The following CTNNA3 variants were observed in gnomAD, a reference collection of about 807,000 sequenced individuals.
CTNNA3 encodes catenin alpha-3.
CTNNA3 carries 76 observed loss-of-function variants against 95.7 expected under a neutral mutation model. The observed-to-expected ratio is 0.79, with a 90% CI of 0.66 to 0.96. CTNNA3 has a LOEUF of 0.96. Among genes scored for constraint, CTNNA3 ranks in the 40% least tolerant of loss-of-function variants. The pLI is 0.00. For synonymous variants in CTNNA3, 431 were observed against 374.4 expected (o/e 1.15, Z -1.74); for missense variants, 1,191 against 1,089.8 (o/e 1.09, Z -1.31).
chr10:66,400,318 T>C (rs1471189360), intron 11 of CTNNA3, among the ~76,000 whole-genome samples: 1 of 152,098 alleles, frequency 6.6e-6, no homozygotes, highest in East Asian at 1.9e-4. Context: ...GAACATGAGA[T>C]AATTAGTAAT....
intron 7 of CTNNA3, among the ~76,000 whole-genome samples, chr10:66,952,128 C>T (rs954089206): frequency 6.6e-5 from 10 of 152,148 alleles, no homozygotes; most frequent in Non-Finnish European, 1.3e-4. Flanking sequence ...AAGCATAAGA[C>T]AGGTGCAGAA....
chr10:66,635,555 G>A (rs1845305119), intron 9 of CTNNA3, among the ~76,000 whole-genome samples: 1 of 152,118 alleles, frequency 6.6e-6, no homozygotes, highest in Non-Finnish European at 1.5e-5. Context: ...TTTTCAGTGA[G>A]TCTATTTCTG....
intron 10 of CTNNA3, among the ~76,000 whole-genome samples, chr10:66,522,937 G>T (rs1490011258): frequency 6.6e-6 from 1 of 152,006 alleles, no homozygotes. Context: ...TGTACCTTAA[G>T]TCACTTCCTG....
At chr10:67,286,512 G>A (rs542890254) in intron 5 of CTNNA3, among the ~76,000 whole-genome samples, 1 of 152,336 alleles carries the variant, frequency 6.6e-6, no homozygotes, top group East Asian at 1.9e-4. Flanking sequence ...TATAGCTCAT[G>A]TAAAGCACTT....
At chr10:66,656,364 C>G (rs1846073579) in intron 9 of CTNNA3, among the ~76,000 whole-genome samples, 1 of 152,046 alleles carries the variant, frequency 6.6e-6, no homozygotes, top group Non-Finnish European at 1.5e-5. Context: ...AAAACTAAAA[C>G]TAATATGCAG....
At chr10:67,750,887 C>A in intron 1 of CTNNA3, 4 of 1,610,914 alleles carry the variant, frequency 2.5e-6, no homozygotes, top group Non-Finnish European at 3.4e-6. Context: ...TACTGCCACT[C>A]CAAGGGCATC....
rs867050016 is a variant in CTNNA3 at position 67,258,892 on chromosome 10, C to T, written c.580-39022G>A. Among the ~76,000 whole-genome samples, 5 of 152,244 alleles carry T rather than the reference C, an allele frequency of 3.3e-5. No individual in the cohort carries two copies. In the Middle Eastern group the frequency reaches 0.01, roughly 311 times the overall value. ...ACTGATACCAGAATTCTCAGATGCTCAAGTCTCTTATATAAAATAGCATAG... is the reference window on the plus strand; with the variant it reads ...ACTGATACCAGAATTCTCAGATGCTTAAGTCTCTTATATAAAATAGCATAG... On this transcript the variant is annotated intron_variant, in intron 5 of 17. Transcript: ENST00000433211.
At chr10:67,447,474 C>G (rs1366077154) in intron 5 of CTNNA3, among the ~76,000 whole-genome samples, 1 of 152,092 alleles carries the variant, frequency 6.6e-6, no homozygotes, top group East Asian at 1.9e-4. Context: ...TATATTTCCC[C>G]AAATACTACC....
chr10:66,960,072 A>T (rs1293293756), intron 7 of CTNNA3, among the ~76,000 whole-genome samples: 1 of 151,964 alleles, frequency 6.6e-6, no homozygotes, highest in Non-Finnish European at 1.5e-5. Flanking sequence ...AGCTATTTGA[A>T]ATTTTTTTTT....
intron 2 of CTNNA3, among the ~76,000 whole-genome samples, chr10:67,621,747 TCA>T (rs869046674): frequency 1.8e-5 from 2 of 113,392 alleles, no homozygotes; most frequent in Non-Finnish European, 3.4e-5. Context: ...AGACATCATC[TCA>T]AAAAAAAAAA....
intron 2 of CTNNA3, among the ~76,000 whole-genome samples, chr10:67,624,405 T>C (rs1041578211): frequency 2.0e-4 from 31 of 152,106 alleles, no homozygotes; most frequent in Non-Finnish European, 4.4e-4. Flanking sequence ...GAATTTCCCC[T>C]AAAAATCATT....
chr10:67,033,458 AG>A (rs1853856473), intron 7 of CTNNA3, among the ~76,000 whole-genome samples: 2 of 152,350 alleles, frequency 1.3e-5, no homozygotes, highest in African/African-American at 4.8e-5. Flanking sequence ...ATACTTGGTC[AG>A]AAAAAATTCA....
At chr10:67,439,579 A>G (rs1019959693) in intron 5 of CTNNA3, among the ~76,000 whole-genome samples, 2 of 152,114 alleles carry the variant, frequency 1.3e-5, no homozygotes, top group African/African-American at 4.8e-5. Flanking sequence ...CTGTCCTCAT[A>G]ATCCAATCAC....
Position 67,322,623 on chromosome 10 carries a change from T to C in CTNNA3, c.580-102753A>G, listed in dbSNP as rs376732862. On this transcript the variant is annotated intron_variant, in intron 5 of 17. Transcript: ENST00000433211. ...CACATTTTCTTTATCCAGTCTACCA[T>C]TCATAGGCATTTAGGTTTATTCCAT... Among the ~76,000 whole-genome samples the C allele has an allele frequency of 3.9e-5, 6 of 152,234 alleles. No homozygotes were observed. The East Asian group carries it at 1.2e-3, about 29-fold the overall frequency.
chr10:67,320,947 C>G (rs1273518752), intron 5 of CTNNA3, among the ~76,000 whole-genome samples: 1 of 152,140 alleles, frequency 6.6e-6, no homozygotes, highest in Non-Finnish European at 1.5e-5. Context: ...AGTCTTTATT[C>G]AATTTTTGCA....
chr10:67,190,385 T>C (rs1863066075), intron 6 of CTNNA3, among the ~76,000 whole-genome samples: 1 of 151,966 alleles, frequency 6.6e-6, no homozygotes. Context: ...TATGAGAGCC[T>C]AGGAAAAGGT....
chr10:67,726,829 T>A (rs1315506174), intron 1 of CTNNA3, among the ~76,000 whole-genome samples: 29 of 112,414 alleles, frequency 2.6e-4, no homozygotes, highest in Non-Finnish European at 4.4e-4. Context: ...TATCTATGTA[T>A]CATATATAAT....
intron 7 of CTNNA3, among the ~76,000 whole-genome samples, chr10:67,065,483 CAG>C (rs1451968666): frequency 6.6e-6 from 1 of 152,096 alleles, no homozygotes; most frequent in African/African-American, 2.4e-5. Context: ...AGTATTATGA[CAG>C]AAACTAGCTA....
intron 5 of CTNNA3, among the ~76,000 whole-genome samples, chr10:67,384,906 A>C (rs1017963002): frequency 2.6e-5 from 4 of 152,206 alleles, no homozygotes; most frequent in African/African-American, 9.6e-5. Flanking sequence ...AAAAAGTGGT[A>C]AAGATTTGAA....
Sources: allele counts gnomAD v4.1 joint callset (sites outside exome capture counted in the v4.1 genomes callset), GRCh38; gene constraint gnomAD v4.1.1; transcripts MANE v1.5; gene names NCBI Gene and HGNC (gene_info 2026-07-23, HGNC 2026-07-21).